Variants in SLC12A8 observed in about 807,000 individuals in gnomAD.
SLC12A8 encodes cation-chloride cotransporter 9.
SLC12A8 carries 69 observed loss-of-function variants against 75.6 expected under a neutral mutation model. That is an observed-to-expected ratio of 0.91 (90% CI 0.75 to 1.11). The LOEUF is 1.11. Among genes scored for constraint, SLC12A8 ranks in the 50% most tolerant of loss-of-function variants. The pLI, the probability that SLC12A8 is intolerant of heterozygous loss-of-function variation, is 0.00. For synonymous variants in SLC12A8, 365 were observed against 372.8 expected, an observed-to-expected ratio of 0.98 and a Z score of 0.24; for missense variants, 877 against 896.7, an observed-to-expected ratio of 0.98 and a Z score of 0.28.
chr3:125,114,877 C>T (rs1482292413), intron 8 of SLC12A8, among the ~76,000 whole-genome samples: 1 of 152,134 alleles, frequency 6.6e-6, no homozygotes, highest in Non-Finnish European at 1.5e-5. Flanking sequence ...TATTCTGAAA[C>T]ATTTAATCTA....
In SLC12A8 at chr3:125,173,660, C is replaced by A. The variant is rs75922748; in HGVS notation, c.622+4083G>T. 3.0e-3 allele frequency among the ~76,000 whole-genome samples: 455 copies of A among 152,278 alleles called. 8 individuals carry two copies. The East Asian group carries it at 0.039, about 13-fold the overall frequency. On this transcript the variant is annotated intron_variant, in intron 5 of 13. Coordinates refer to ENST00000469902, the MANE Select transcript of SLC12A8 (RefSeq NM_024628.6). ...GGAAAAACACTGATAAGATAGACTC[C>A]ATTACAGTTTAAAACTTCTGCTCTG...
Position 125,083,179 on chromosome 3 carries a change from A to G in SLC12A8, c.*711T>C, listed in dbSNP as rs1465905266. 2 of 152,214 alleles carry G rather than the reference A, an allele frequency of 1.3e-5. No individual in the cohort carries two copies. Among genetic ancestry groups the G allele is most frequent in the Non-Finnish European group, 2.9e-5 (2 of 68,038 alleles). The allele number at this position is 152,214 out of a possible 1,614,324, so 9.4% of individuals were successfully genotyped here. A position where few individuals can be genotyped will look rare whatever the true frequency, so the allele number is the denominator to read the frequency against. On this transcript the variant is annotated 3_prime_UTR_variant, in exon 14 of 14. Transcript: ENST00000469902. ...TTTGGGTGTGGAAACATGTGAGTGT[A>G]TTATTTATTTTTGAATAAATAATAC...
chr3:125,193,422 GTCC>G (rs1934944881), intron 2 of SLC12A8, among the ~76,000 whole-genome samples: 2 of 152,180 alleles, frequency 1.3e-5, no homozygotes, highest in Non-Finnish European at 2.9e-5. Flanking sequence ...CAGATCCCTT[GTCC>G]AGGCTCGCCA....
chr3:125,212,350 C>A (rs1185835030), intron 1 of SLC12A8, among the ~76,000 whole-genome samples: 1 of 152,180 alleles, frequency 6.6e-6, no homozygotes, highest in Non-Finnish European at 1.5e-5. Context: ...CCGCACAGAG[C>A]AAGGGACCCC....
chr3:125,175,500 G>C (rs17319456), intron 5 of SLC12A8, among the ~76,000 whole-genome samples: 22,860 of 152,170 alleles, frequency 0.15, 2,036 homozygotes, highest in East Asian at 0.21. Context: ...GAGTAACTTA[G>C]AAGAGCAGCC....
intron 8 of SLC12A8, among the ~76,000 whole-genome samples, chr3:125,112,227 C>T (rs1939205499): frequency 6.6e-6 from 1 of 152,198 alleles, no homozygotes; most frequent in South Asian, 2.1e-4. Context: ...GTCTTTAATT[C>T]ACTGTTGATT....
intron 5 of SLC12A8, among the ~76,000 whole-genome samples, chr3:125,160,773 C>T (rs760869104): frequency 3.3e-5 from 5 of 152,150 alleles, no homozygotes; most frequent in East Asian, 1.9e-4. Flanking sequence ...GCAAGAGAAT[C>T]GATACACAGA....
chr3:125,204,312 G>C (rs948603069), intron 2 of SLC12A8, among the ~76,000 whole-genome samples: 27 of 152,206 alleles, frequency 1.8e-4, no homozygotes, highest in African/African-American at 6.3e-4. Context: ...ATTCGCAATA[G>C]CAAAAGGAGT....
At chr3:125,140,509 C>A (rs1211585752) in intron 5 of SLC12A8, among the ~76,000 whole-genome samples, 1 of 152,090 alleles carries the variant, frequency 6.6e-6, no homozygotes, top group Admixed American at 6.6e-5. Flanking sequence ...CCCCCGGCCC[C>A]ATTTGTGTAG....
At chr3:125,208,797 G>C (rs1218410947) in intron 2 of SLC12A8, among the ~76,000 whole-genome samples, 69 of 130,912 alleles carry the variant, frequency 5.3e-4, no homozygotes, top group South Asian at 2.4e-3. Flanking sequence ...CACACAGAGA[G>C]AGAGAGAGAG....
chr3:125,125,105 A>T (rs1396954099), intron 6 of SLC12A8, among the ~76,000 whole-genome samples: 2 of 143,630 alleles, frequency 1.4e-5, no homozygotes, highest in Non-Finnish European at 3.0e-5. Context: ...CGCAAAACTT[A>T]TTTGGCATTG....
chr3:125,116,354 A>T (rs1429212755), intron 8 of SLC12A8, among the ~76,000 whole-genome samples: 1 of 152,208 alleles, frequency 6.6e-6, no homozygotes. Context: ...TCCGAAAACT[A>T]AATCTCCACA....
chr3:125,201,728 A>G (rs1395761075), intron 2 of SLC12A8, among the ~76,000 whole-genome samples: 1 of 149,818 alleles, frequency 6.7e-6, no homozygotes, highest in Non-Finnish European at 1.5e-5. Context: ...AAAAAGAAGC[A>G]TCAAAGCTTA....
At chr3:125,111,136 G>A (rs1030000862) in intron 8 of SLC12A8, among the ~76,000 whole-genome samples, 8 of 152,146 alleles carry the variant, frequency 5.3e-5, no homozygotes, top group Admixed American at 3.3e-4. Context: ...AGCACCTATC[G>A]TGGTGCCCCC....
Position 125,083,793 on chromosome 3 carries a change from G to T in SLC12A8, c.*97C>A. 1 of 1,198,328 alleles carries T rather than the reference G, an allele frequency of 8.3e-7. No individual in the cohort carries two copies. The highest frequency in any genetic ancestry group is 1.2e-6 in the Non-Finnish European group (1 of 853,698). The allele number at this position is 1,198,328 out of a possible 1,614,324, so 74.2% of individuals were successfully genotyped here. A position where few individuals can be genotyped will look rare whatever the true frequency, so the allele number is the denominator to read the frequency against. On this transcript the variant is annotated 3_prime_UTR_variant, in exon 14 of 14. Coordinates refer to ENST00000469902, the MANE Select transcript of SLC12A8 (RefSeq NM_024628.6). ...AAGTGACAGCGGGAGGATGGGTCTT[G>T]AGTTTCTCAGGTTGGAGAAGCAGCT...
intron 4 of SLC12A8, among the ~76,000 whole-genome samples, chr3:125,186,023 A>T (rs1442306978): frequency 1.3e-5 from 2 of 152,230 alleles, no homozygotes; most frequent in African/African-American, 4.8e-5. Flanking sequence ...GTCTTTGTCC[A>T]GGGGTGTTCA....
At chr3:125,119,059 C>T in intron 7 of SLC12A8, 1 of 467,590 alleles carries the variant, frequency 2.1e-6, no homozygotes. Context: ...AAAAGGGGTA[C>T]CATTGTTTTG....
At chr3:125,133,403 C>G (rs1186068477) in intron 6 of SLC12A8, among the ~76,000 whole-genome samples, 2 of 151,468 alleles carry the variant, frequency 1.3e-5, no homozygotes, top group Non-Finnish European at 2.9e-5. Context: ...TACAGGGTCT[C>G]ACTCTGTCAC....
intron 5 of SLC12A8, among the ~76,000 whole-genome samples, chr3:125,169,790 C>A (rs927913417): frequency 6.6e-6 from 1 of 152,152 alleles, no homozygotes; most frequent in Non-Finnish European, 1.5e-5. Flanking sequence ...TACTGTGATG[C>A]CCACCTGTCA....
Sources: allele counts gnomAD v4.1 joint callset (sites outside exome capture counted in the v4.1 genomes callset), GRCh38; gene constraint gnomAD v4.1.1; transcripts MANE v1.5; gene names NCBI Gene and HGNC (gene_info 2026-07-23, HGNC 2026-07-21).